Variants in HYCC1 observed in about 807,000 individuals in gnomAD.
HYCC1 encodes the protein hyccin.
the HYCC1 span, chr7:22,991,286 A>C: frequency 1.8e-6 from 1 of 570,568 alleles, no homozygotes; most frequent in Non-Finnish European, 3.0e-6. Flanking sequence ...TTCAAAACCA[A>C]TGTGCACAAA....
At chr7:22,957,941 AAATATT>A in the HYCC1 span, among the ~76,000 whole-genome samples, 1 of 151,806 alleles carries the variant, frequency 6.6e-6, no homozygotes, top group Admixed American at 6.6e-5. Flanking sequence ...ATTTATATAT[AAATATT>A]AACAATAGAA....
At chr7:22,985,210 T>C in the HYCC1 span, among the ~76,000 whole-genome samples, 3 of 152,216 alleles carry the variant, frequency 2.0e-5, no homozygotes, top group African/African-American at 4.8e-5. Flanking sequence ...TATCCTAGTA[T>C]TTCAAAATTT....
At chr7:22,931,307 T>C in the HYCC1 span, among the ~76,000 whole-genome samples, 1 of 150,120 alleles carries the variant, frequency 6.7e-6, no homozygotes, top group Non-Finnish European at 1.5e-5. Context: ...GTGACACTTC[T>C]ACACCCTTCA....
At chr7:22,947,186 A>C in the HYCC1 span, 1 of 1,550,182 alleles carries the variant, frequency 6.5e-7, no homozygotes. Flanking sequence ...CATTTGTGAC[A>C]CTAATCTCAG....
the HYCC1 span, among the ~76,000 whole-genome samples, chr7:22,994,890 A>T: frequency 1.3e-5 from 2 of 152,066 alleles, no homozygotes; most frequent in African/African-American, 4.8e-5. Flanking sequence ...TAGTCATCAT[A>T]ACTCTTTGTA....
At chr7:23,007,050 T>C in the HYCC1 span, among the ~76,000 whole-genome samples, 3 of 152,128 alleles carry the variant, frequency 2.0e-5, no homozygotes, top group Non-Finnish European at 4.4e-5. Flanking sequence ...AACAACAATT[T>C]TAAGTTCCCC....
chr7:22,939,619 T>C, the HYCC1 span: 1 of 152,224 alleles, frequency 6.6e-6, no homozygotes. Context: ...CTTAAAACTA[T>C]TACCTGTAAG....
At chr7:22,976,408 A>G in the HYCC1 span, 10 of 799,064 alleles carry the variant, frequency 1.3e-5, no homozygotes, top group Admixed American at 1.0e-4. Context: ...ATGTTACAGA[A>G]CAGACCTGCA....
chr7:22,992,228 C>T, the HYCC1 span, among the ~76,000 whole-genome samples: 2 of 152,076 alleles, frequency 1.3e-5, no homozygotes, highest in East Asian at 3.9e-4. Context: ...TCAAAGAATA[C>T]ATTCTAAGGT....
chr7:22,907,321 T>C, the HYCC1 span, among the ~76,000 whole-genome samples: 148 of 152,222 alleles, frequency 9.7e-4, 1 homozygote, highest in South Asian at 0.019. Context: ...CAAAAAAGTA[T>C]TGGCACCTGG....
At chr7:22,970,402 G>A in the HYCC1 span, among the ~76,000 whole-genome samples, 6 of 152,168 alleles carry the variant, frequency 3.9e-5, no homozygotes, top group African/African-American at 1.2e-4. Flanking sequence ...AACAGTTATT[G>A]AGGTTCTATC....
At chr7:22,996,557 A>G in the HYCC1 span, among the ~76,000 whole-genome samples, 1 of 144,646 alleles carries the variant, frequency 6.9e-6, no homozygotes, top group Admixed American at 7.1e-5. Flanking sequence ...ACTAGCTGAC[A>G]TAAGCTTTTC....
the HYCC1 span, among the ~76,000 whole-genome samples, chr7:22,957,302 GAA>G: frequency 3.2e-3 from 449 of 141,858 alleles, 3 homozygotes; most frequent in African/African-American, 7.0e-3. Flanking sequence ...AAGGGAGATG[GAA>G]AAAAAAAAAA....
the HYCC1 span, among the ~76,000 whole-genome samples, chr7:22,953,885 A>T: frequency 0.35 from 53,218 of 151,304 alleles, 9,362 homozygotes; most frequent in East Asian, 0.47. Context: ...TACATTTTTT[A>T]AAATAAAACT....
At chr7:23,004,433 T>C in the HYCC1 span, among the ~76,000 whole-genome samples, 1 of 152,208 alleles carries the variant, frequency 6.6e-6, no homozygotes, top group African/African-American at 2.4e-5. Flanking sequence ...TCTGGTGACA[T>C]GGAGAGCATC....
the HYCC1 span, chr7:22,947,096 C>G: frequency 1.3e-6 from 2 of 1,550,466 alleles, no homozygotes; most frequent in Non-Finnish European, 1.7e-6. Context: ...TGGCTGTTTC[C>G]TGCACACCCT....
At chr7:23,012,137 T>C in the HYCC1 span, among the ~76,000 whole-genome samples, 2 of 152,318 alleles carry the variant, frequency 1.3e-5, no homozygotes, top group African/African-American at 4.8e-5. Context: ...ATTTCAATCA[T>C]TTATAAAATA....
chr7:22,959,199 A>T, the HYCC1 span, among the ~76,000 whole-genome samples: 1 of 152,156 alleles, frequency 6.6e-6, no homozygotes, highest in African/African-American at 2.4e-5. Context: ...CACTTTAAAA[A>T]CACCAAAAAT....
At chr7:22,985,192 A>G in the HYCC1 span, among the ~76,000 whole-genome samples, 1 of 152,152 alleles carries the variant, frequency 6.6e-6, no homozygotes, top group Non-Finnish European at 1.5e-5. Context: ...TATTCCTTAT[A>G]TGTCTCATAT....
Sources: allele counts gnomAD v4.1 joint callset (sites outside exome capture counted in the v4.1 genomes callset), GRCh38; gene constraint gnomAD v4.1.1; transcripts MANE v1.5; gene names NCBI Gene and HGNC (gene_info 2026-07-23, HGNC 2026-07-21).